The following NGRN variants were observed in gnomAD, a reference collection of about 807,000 sequenced individuals.
The protein encoded by NGRN is neugrin, neurite outgrowth associated, also known as neugrin.
A neutral mutation model predicts 13.1 loss-of-function variants in NGRN; 12 were observed. The observed-to-expected ratio is 0.92, with a 90% CI of 0.59 to 1.49. The LOEUF is 1.49. NGRN is among the 40% of genes most tolerant of loss of function. NGRN has a pLI of 0.00. For synonymous variants in NGRN, 149 were observed against 145.8 expected, an observed-to-expected ratio of 1.02 and a Z score of -0.16; for missense variants, 397 against 357.0, an observed-to-expected ratio of 1.11 and a Z score of -0.90.
rs185429041 is a variant in NGRN, at chr15:90,272,131, T to C, written c.*343T>C. 579 of 266,376 alleles carry C rather than the reference T, an allele frequency of 2.2e-3. 1 individual carries two copies. The highest frequency in any genetic ancestry group is 3.2e-3 in the Admixed American group (67 of 20,844). 16.5% of individuals were successfully genotyped at this position (266,376 alleles called of 1,614,324 possible). On this transcript the variant is annotated 3_prime_UTR_variant, in exon 3 of 3. Coordinates refer to ENST00000379095, the MANE Select transcript of NGRN (RefSeq NM_001033088.3). ...TTGCCTTCTGACCTCATTTCCTTCT[T>C]GATCAGTGAACACTAACATTTTGGG...
At position 90,271,169 on chromosome 15, in the gene NGRN, C is replaced by T. The variant is rs769140302; in HGVS notation, c.276-19C>T. ...GGAGACTTCTTCACAACTTGCAAAC[C>T]TGCTCCTTCTTCCCGTAGGTATTTA... On this transcript the variant is annotated intron_variant, in intron 2 of 2. Coordinates refer to ENST00000379095, the MANE Select transcript of NGRN (RefSeq NM_001033088.3). 2 of 1,598,506 alleles carry T rather than the reference C, an allele frequency of 1.3e-6. No individual in the cohort carries two copies. Among genetic ancestry groups the T allele is most frequent in the South Asian group, 1.1e-5 (1 of 89,770 alleles).
intron 2 of NGRN, among the ~76,000 whole-genome samples, chr15:90,268,663 A>G (rs1158934913): frequency 1.3e-5 from 2 of 152,120 alleles, no homozygotes; most frequent in African/African-American, 2.4e-5. Flanking sequence ...TATCACTGCA[A>G]TAAAACTGCT....
intron 2 of NGRN, among the ~76,000 whole-genome samples, chr15:90,268,690 G>A (rs1963462559): frequency 6.6e-6 from 1 of 152,010 alleles, no homozygotes; most frequent in African/African-American, 2.4e-5. Context: ...AAATCCATCA[G>A]TGACTTCCTC....
At chr15:90,266,837 G>C (rs755353393) in intron 2 of NGRN, among the ~76,000 whole-genome samples, 2 of 152,214 alleles carry the variant, frequency 1.3e-5, no homozygotes, top group African/African-American at 4.8e-5. Flanking sequence ...CCCAACCTAA[G>C]GTACAGGGAT....
intron 2 of NGRN, 107 bp downstream of exon 2, chr15:90,266,505 A>G: frequency 3.6e-6 from 3 of 822,264 alleles, no homozygotes; most frequent in Non-Finnish European, 3.8e-6. Flanking sequence ...ATTTTCGTTT[A>G]CTTTTTGTCG....
intron 2 of NGRN, among the ~76,000 whole-genome samples, chr15:90,267,033 T>C (rs1963434947): frequency 6.6e-6 from 1 of 151,524 alleles, no homozygotes; most frequent in South Asian, 2.1e-4. Flanking sequence ...TGGGTACTTT[T>C]TTTTTTTTTT....
chr15:90,270,922 A>G (rs1488584648), intron 2 of NGRN, among the ~76,000 whole-genome samples: 1 of 151,938 alleles, frequency 6.6e-6, no homozygotes, highest in Non-Finnish European at 1.5e-5. Context: ...CGCAGCCTTC[A>G]CCTCCCAGGT....
rs1054960628 is a variant in NGRN, at chr15:90,268,301, C to G, written c.275+1903C>G. Among the ~76,000 whole-genome samples, 47 of 152,140 alleles carry G rather than the reference C, an allele frequency of 3.1e-4. 1 individual carries two copies. Among genetic ancestry groups the G allele is most frequent in the Non-Finnish European group, 7.3e-5 (5 of 68,032 alleles). The stretch of plus-strand genomic sequence containing the variant: ...TACAGGCATGAGCCACCATGCCGGC[C>G]TCTATCTCCTGTCTTCAACAATAGC... On this transcript the variant is annotated intron_variant, in intron 2 of 2. Transcript: ENST00000379095.
At position 90,266,095 on chromosome 15, in the gene NGRN, C is replaced by T. The variant is rs11547111; in HGVS notation, c.165-193C>T. 2.0e-3 allele frequency: 2,854 copies of T among 1,433,636 alleles called. 4 individuals carry two copies. The highest frequency in any genetic ancestry group is 2.6e-3 in the Admixed American group (88 of 34,002). The allele number at this position is 1,433,636 out of a possible 1,614,324, so 88.8% of individuals were successfully genotyped here. On this transcript the variant is annotated intron_variant, in intron 1 of 2. Coordinates refer to ENST00000379095, the MANE Select transcript of NGRN (RefSeq NM_001033088.3). ...TTCATCATCAGTTTAGAGAGTTCGG[C>T]ATGCTTACAGGCAGTTATTGTTCTA...
At chr15:90,267,089 T>C (rs1963436508) in intron 2 of NGRN, among the ~76,000 whole-genome samples, 1 of 150,740 alleles carries the variant, frequency 6.6e-6, no homozygotes, top group Admixed American at 6.7e-5. Flanking sequence ...TGGAGTACAA[T>C]GATGTGATCA....
Position 90,268,065 on chromosome 15 carries a change from G to A in NGRN, c.275+1667G>A, listed in dbSNP as rs557937661. Reference sequence around the variant, plus strand: ...GTCGCCCAGGCCAGAGTGCAGTGGCGAAATCTCAGCTCACTGCAGCCTCTG... The same window carrying A: ...GTCGCCCAGGCCAGAGTGCAGTGGCAAAATCTCAGCTCACTGCAGCCTCTG... On this transcript the variant is annotated intron_variant, in intron 2 of 2. Coordinates refer to ENST00000379095, the MANE Select transcript of NGRN (RefSeq NM_001033088.3). 3.4e-3 allele frequency among the ~76,000 whole-genome samples: 511 copies of A among 152,168 alleles called. 3 individuals carry two copies. The highest frequency in any genetic ancestry group is 0.01 in the Middle Eastern group (3 of 294).
In NGRN at chr15:90,270,056, G is replaced by C. The variant is rs138086561; in HGVS notation, c.276-1132G>C. On this transcript the variant is annotated intron_variant, in intron 2 of 2. Coordinates refer to ENST00000379095, the MANE Select transcript of NGRN (RefSeq NM_001033088.3). The stretch of plus-strand genomic sequence containing the variant: ...GTCACTGAAAAACTACCACTAGGTT[G>C]AATTCCTTTTTTTCTTTTTTTAATA... 2.9e-3 allele frequency among the ~76,000 whole-genome samples: 442 copies of C among 152,200 alleles called. 4 individuals carry two copies. Among genetic ancestry groups the C allele is most frequent in the African/African-American group, 0.01 (423 of 41,522 alleles).
At chr15:90,270,011 A>G (rs1596201950) in intron 2 of NGRN, among the ~76,000 whole-genome samples, 1 of 152,280 alleles carries the variant, frequency 6.6e-6, no homozygotes, top group South Asian at 2.1e-4. Context: ...CTCTTGACCA[A>G]TCTTTCTGCC....
Position 90,271,797 on chromosome 15 carries a change from T to C in NGRN, c.*9T>C. The stretch of plus-strand genomic sequence containing the variant: ...TCCTGTACAGAATTTGAGTCGGGGC[T>C]TGGCTTATGGAGATGCCTCGTGAAA... On this transcript the variant is annotated 3_prime_UTR_variant, in exon 3 of 3. Transcript: ENST00000379095. 32 of 1,612,924 alleles carry C rather than the reference T, an allele frequency of 2.0e-5. No individual in the cohort carries two copies. The highest frequency in any genetic ancestry group is 2.4e-5 in the Non-Finnish European group (28 of 1,179,124).
Position 90,271,281 on chromosome 15 carries a change from A to T in NGRN, c.369A>T (p.Lys123Asn), listed in dbSNP as rs150300063. ...VSTDVIRRVL[K>N]SKFLPTLEQK... ...CTGATGTGATCCGAAGAGTTTTAAA[A>T]AGCAAGTTTTTACCCACATTGGAGC... is the stretch of plus-strand genomic sequence containing the variant. The change falls in exon 3 of 3, where the codon AAA becomes AAT. Residue 123 changes from lysine to asparagine, a missense_variant. By Grantham distance (94) the Lys-to-Asn change is moderately conservative. Coordinates refer to ENST00000379095, the MANE Select transcript of NGRN (RefSeq NM_001033088.3). 2.5e-5 allele frequency: 40 copies of T among 1,614,112 alleles called. No homozygotes were observed. In the African/African-American group the frequency reaches 4.8e-4, roughly 19 times the overall value.
intron 1 of NGRN, 60 bp from the exon 2 acceptor site, chr15:90,266,228 C>G: frequency 8.3e-6 from 13 of 1,561,790 alleles, no homozygotes; most frequent in Non-Finnish European, 1.0e-5. Flanking sequence ...TAGCCTGAGG[C>G]TCTTCAAACA....
At chr15:90,268,455 C>G (rs953834952) in intron 2 of NGRN, among the ~76,000 whole-genome samples, 1 of 151,568 alleles carries the variant, frequency 6.6e-6, no homozygotes, top group South Asian at 2.1e-4. Context: ...TCTTTGCCCA[C>G]TACTCTCAAA....
At chr15:90,268,283 A>C (rs1298989812) in intron 2 of NGRN, among the ~76,000 whole-genome samples, 1 of 152,002 alleles carries the variant, frequency 6.6e-6, no homozygotes, top group African/African-American at 2.4e-5. Context: ...GATTACAGGC[A>C]TGAGCCACCA....
In NGRN at chr15:90,271,504, A is replaced by C. The variant is rs533701618; in HGVS notation, c.592A>C (p.Thr198Pro). 1 of 1,614,082 alleles carries C rather than the reference A, an allele frequency of 6.2e-7. No homozygotes were observed. The highest frequency in any genetic ancestry group is 8.5e-7 in the Non-Finnish European group (1 of 1,180,034). The change falls in exon 3 of 3, where the codon ACT (threonine) becomes CCT (proline). Residue 198 changes from threonine to proline, a missense_variant. Thr to Pro is a conservative substitution (Grantham distance 38, BLOSUM62 -1). Coordinates refer to ENST00000379095, the MANE Select transcript of NGRN (RefSeq NM_001033088.3). Reference sequence around the variant, plus strand: ...AGCTTTGAAAGTGATAGAGTCAGACACTCACAGGACAAATACACCAAGGAG... The same window carrying C: ...AGCTTTGAAAGTGATAGAGTCAGACCCTCACAGGACAAATACACCAAGGAG... ...STALKVIESDTHRTNTPRRRK... is the reference protein window; with the variant it reads ...STALKVIESDPHRTNTPRRRK...
Sources: allele counts gnomAD v4.1 joint callset (sites outside exome capture counted in the v4.1 genomes callset), GRCh38; gene constraint gnomAD v4.1.1; transcripts MANE v1.5; gene names NCBI Gene and HGNC (gene_info 2026-07-23, HGNC 2026-07-21).